The following RAD54L2 variants were observed in gnomAD, a reference collection of about 807,000 sequenced individuals.
RAD54L2 encodes RAD54 like 2.
Under a neutral mutation model 138.4 loss-of-function variants are expected in RAD54L2, and 27 were observed. The ratio of observed to expected loss-of-function variants is 0.20; its 90% CI spans 0.14 to 0.27. The LOEUF (loss-of-function observed/expected upper bound fraction) is 0.27, where lower values mean the gene tolerates loss of function less well. RAD54L2 is among the 10% of genes least tolerant of loss of function. The probability of loss-of-function intolerance (pLI) is 1.00; values close to 1 mark genes in which losing one functional copy is unlikely to be tolerated. For missense variants in RAD54L2, 1,396 were observed against 1,890.2 expected (o/e 0.74, Z 4.85); for synonymous variants, 644 against 723.2 (o/e 0.89, Z 1.76).
At chr3:51,549,348 A>G (rs1698777420) in intron 2 of RAD54L2, among the ~76,000 whole-genome samples, 1 of 151,808 alleles carries the variant, frequency 6.6e-6, no homozygotes, top group African/African-American at 2.4e-5. Context: ...AGAGAGCTCT[A>G]CTCTCTTTAC....
chr3:51,612,319 G>A (rs1700349903), intron 3 of RAD54L2, among the ~76,000 whole-genome samples: 1 of 152,144 alleles, frequency 6.6e-6, no homozygotes, highest in Non-Finnish European at 1.5e-5. Flanking sequence ...ACAGAAATTA[G>A]CTGGGCATGG....
In RAD54L2 at chr3:51,663,099, A is replaced by C. The variant is rs1577475791; in HGVS notation, c.4083A>C (p.Ser1361=). 2 of 1,613,870 alleles carry C rather than the reference A, an allele frequency of 1.2e-6. No homozygotes were observed. The highest frequency in any genetic ancestry group is 1.7e-6 in the Non-Finnish European group (2 of 1,179,842). The change falls in exon 23 of 23, where the codon TCA becomes TCC. Residue 1361 remains serine (S), a synonymous_variant. Transcript: ENST00000684192. ...GPVSSSSTAT[S]VTASNPSFML... Reference sequence around the variant, plus strand: ...TCAGTTCCTCTTCCACGGCTACCTCAGTCACTGCCAGCAACCCCTCCTTCA... The same window carrying C: ...TCAGTTCCTCTTCCACGGCTACCTCCGTCACTGCCAGCAACCCCTCCTTCA...
chr3:51,630,679 G>T (rs1250625576), intron 6 of RAD54L2, 26 bp from the exon 7 acceptor site: 1 of 1,583,076 alleles, frequency 6.3e-7, no homozygotes, highest in South Asian at 1.1e-5. Context: ...CTGGATTTTT[G>T]GTTTTGCTTT....
intron 22 of RAD54L2, among the ~76,000 whole-genome samples, chr3:51,660,330 A>T (rs1393415425): frequency 7.3e-5 from 11 of 150,994 alleles, no homozygotes; most frequent in Non-Finnish European, 1.3e-4. Context: ...TTTGTTTGAG[A>T]CAGGGTCTCG....
In RAD54L2 at chr3:51,645,686, G is replaced by A; in HGVS notation, c.2752G>A (p.Val918Ile). 1 of 1,612,606 alleles carries A rather than the reference G, an allele frequency of 6.2e-7. No individual in the cohort carries two copies. Among genetic ancestry groups the A allele is most frequent in the African/African-American group, 1.3e-5 (1 of 75,040 alleles). Reference protein sequence around the residue: ...HFVEKEPAPQVSLNVKGIKES... With the variant: ...HFVEKEPAPQISLNVKGIKES... ...TGTTGAGAAGGAGCCAGCTCCCCAA[G>A]TTTCCTTGAACGTAAAGGGGATCAA... The change falls in exon 18 of 23, where the codon GTT becomes ATT. Residue 918 changes from valine (V) to isoleucine (I), a missense_variant. Val to Ile is a conservative substitution (Grantham distance 29). Transcript: ENST00000684192. The surrounding 1 kb of genome is among the most constrained non-coding windows in gnomAD (Gnocchi z 6.1).
chr3:51,574,415 C>T (rs1252358870), intron 2 of RAD54L2, among the ~76,000 whole-genome samples: 5 of 152,172 alleles, frequency 3.3e-5, no homozygotes, highest in African/African-American at 7.2e-5. Flanking sequence ...CTTGAGGAAT[C>T]GCCACACTGT....
At chr3:51,559,865 A>G (rs1375479726) in intron 2 of RAD54L2, among the ~76,000 whole-genome samples, 1 of 152,244 alleles carries the variant, frequency 6.6e-6, no homozygotes, top group Non-Finnish European at 1.5e-5. Context: ...TTTCAGCTAC[A>G]GGAGCTTCCA....
intron 2 of RAD54L2, among the ~76,000 whole-genome samples, chr3:51,580,372 T>C (rs1273575036): frequency 6.6e-6 from 1 of 152,188 alleles, no homozygotes; most frequent in Non-Finnish European, 1.5e-5. Context: ...CCCAGCACTT[T>C]GATGTGTTCT....
intron 2 of RAD54L2, among the ~76,000 whole-genome samples, chr3:51,572,490 C>T (rs573928253): frequency 2.7e-5 from 4 of 150,122 alleles, no homozygotes; most frequent in African/African-American, 4.9e-5. Context: ...TGGTGATTCA[C>T]GCCTGTAATC....
intron 3 of RAD54L2, among the ~76,000 whole-genome samples, chr3:51,609,033 G>T (rs1700272369): frequency 6.6e-6 from 1 of 152,146 alleles, no homozygotes; most frequent in African/African-American, 2.4e-5. Context: ...TGGGATTACA[G>T]GTGCCCACCA....
Position 51,633,975 on chromosome 3 carries a change from A to G in RAD54L2, c.1082A>G (p.Asn361Ser), listed in dbSNP as rs1700914159. The G allele has an allele frequency of 1.2e-6, 2 of 1,613,880 alleles. No individual in the cohort carries two copies. Among genetic ancestry groups the G allele is most frequent in the Middle Eastern group, 1.7e-4 (1 of 6,038 alleles). ...CCTCCTGAAGCCCTCCCGGCTGACA[A>G]CAAGCCTGAAGAAGTCCAGCCTCGG... ...LPPPEALPAD[N>S]KPEEVQPRFF... Residue 361 changes from asparagine to serine, a missense_variant, in exon 9 of 23, where the codon AAC (asparagine) becomes AGC (serine). Physicochemically the swap from Asn to Ser is conservative, Grantham distance 46 (BLOSUM62 1). Transcript: ENST00000684192.
chr3:51,619,096 T>C (rs893616106), intron 3 of RAD54L2, among the ~76,000 whole-genome samples: 1 of 152,150 alleles, frequency 6.6e-6, no homozygotes, highest in Non-Finnish European at 1.5e-5. Context: ...CTTGCTCTGT[T>C]GCCCAGGCTG....
At chr3:51,654,593 G>A (rs61523429) in intron 19 of RAD54L2, among the ~76,000 whole-genome samples, 1 of 152,148 alleles carries the variant, frequency 6.6e-6, no homozygotes, top group African/African-American at 2.4e-5. Flanking sequence ...GTATTGCTCA[G>A]GAATGGTCTC....
chr3:51,546,029 C>T (rs1698683420), intron 2 of RAD54L2, among the ~76,000 whole-genome samples: 1 of 149,176 alleles, frequency 6.7e-6, no homozygotes, highest in Admixed American at 6.8e-5. Flanking sequence ...ACCTCTGCCT[C>T]CTGGGTTCAA....
chr3:51,557,288 T>G (rs761172324), intron 2 of RAD54L2, among the ~76,000 whole-genome samples: 2 of 149,906 alleles, frequency 1.3e-5, no homozygotes, highest in African/African-American at 4.9e-5. Flanking sequence ...GCTCAAAGTA[T>G]TCTCCAACCT....
intron 3 of RAD54L2, among the ~76,000 whole-genome samples, chr3:51,614,179 A>G (rs1267385811): frequency 1.3e-5 from 2 of 150,644 alleles, no homozygotes; most frequent in Admixed American, 1.3e-4. Context: ...TTTTTTCTCT[A>G]GAAACAGAGT....
rs1701058528 is a variant in RAD54L2 at position 51,638,973 on chromosome 3, CTCTCT to C, written c.1861-441_1861-437del. On this transcript the variant is annotated intron_variant, in intron 12 of 22. Transcript: ENST00000684192. This position sits in a 1 kb window ranked among gnomAD's most constrained non-coding sequence, Gnocchi z 4.3. Reference sequence around the variant, plus strand: ...CACTGCATCCTTCCTTCTTCCTTTCCTCTCTTCTCCTGGGAGTTCTCAACTCTTGC... The same window carrying C: ...CACTGCATCCTTCCTTCTTCCTTTCCTCTCCTGGGAGTTCTCAACTCTTGC... 1 of 170,024 alleles carries C rather than the reference CTCTCT, an allele frequency of 5.9e-6. No individual in the cohort carries two copies. The highest frequency in any genetic ancestry group is 2.4e-5 in the African/African-American group (1 of 41,670). 10.5% of individuals were successfully genotyped at this position (170,024 alleles called of 1,614,324 possible).
intron 3 of RAD54L2, among the ~76,000 whole-genome samples, chr3:51,604,957 T>C (rs28421789): frequency 0.044 from 6,729 of 152,142 alleles, 492 homozygotes; most frequent in African/African-American, 0.15. Flanking sequence ...AATCTCACTC[T>C]GTTGCCCAGG....
Position 51,638,552 on chromosome 3 carries a change from T to C in RAD54L2, c.1860+231T>C, listed in dbSNP as rs889863879. On this transcript the variant is annotated intron_variant, in intron 12 of 22. Coordinates refer to ENST00000684192, the MANE Select transcript of RAD54L2 (RefSeq NM_015106.4). The surrounding 1 kb of genome is among the most constrained non-coding windows in gnomAD (Gnocchi z 4.3). Reference sequence around the variant, plus strand: ...GTAATATAACTGATGCCCCCTGCAGTGTGCAACTCAGCTGCACAACTTGTT... The same window carrying C: ...GTAATATAACTGATGCCCCCTGCAGCGTGCAACTCAGCTGCACAACTTGTT... The C allele has an allele frequency of 6.6e-6, 3 of 451,884 alleles. No homozygotes were observed. The highest frequency in any genetic ancestry group is 1.2e-5 in the Non-Finnish European group (3 of 257,026). The allele number at this position is 451,884 out of a possible 1,614,324, so 28.0% of individuals were successfully genotyped here. A position where few individuals can be genotyped will look rare whatever the true frequency, so the allele number is the denominator to read the frequency against.
Sources: allele counts gnomAD v4.1 joint callset (sites outside exome capture counted in the v4.1 genomes callset), GRCh38; gene constraint gnomAD v4.1.1; non-coding constraint Gnocchi (gnomAD v3.1); transcripts MANE v1.5; gene names NCBI Gene and HGNC (gene_info 2026-07-23, HGNC 2026-07-21).